Variants in THSD7B observed in about 807,000 individuals in gnomAD.
The protein encoded by THSD7B is thrombospondin type-1 domain-containing protein 7B.
A neutral mutation model predicts 213.6 loss-of-function variants in THSD7B; 138 were observed. The ratio of observed to expected loss-of-function variants is 0.65; its 90% CI spans 0.56 to 0.74. THSD7B has a LOEUF of 0.74. Among genes scored for constraint, THSD7B ranks in the 30% least tolerant of loss-of-function variants. THSD7B has a pLI of 0.00. For missense variants in THSD7B, 1,931 were observed against 1,991.5 expected (o/e 0.97, Z 0.58); for synonymous variants, 742 against 687.0 (o/e 1.08, Z -1.25).
At chr2:136,914,434 G>A (rs184567349) in intron 2 of THSD7B, among the ~76,000 whole-genome samples, 2 of 152,280 alleles carry the variant, frequency 1.3e-5, no homozygotes, top group East Asian at 3.9e-4. Flanking sequence ...TAAAATGTGA[G>A]GACATGAGAT....
chr2:136,937,152 G>A (rs767745096), intron 2 of THSD7B, among the ~76,000 whole-genome samples: 14 of 151,874 alleles, frequency 9.2e-5, no homozygotes, highest in Non-Finnish European at 1.8e-4. Context: ...CCCACAAATC[G>A]ACTTTCGATA....
chr2:137,519,188 G>T (rs1680132123), intron 15 of THSD7B, among the ~76,000 whole-genome samples: 1 of 151,972 alleles, frequency 6.6e-6, no homozygotes, highest in South Asian at 2.1e-4. Context: ...GGAGGTGGAG[G>T]TTGCAGTGAG....
At chr2:137,133,015 T>G (rs1159356843) in intron 5 of THSD7B, among the ~76,000 whole-genome samples, 7 of 152,192 alleles carry the variant, frequency 4.6e-5, no homozygotes, top group African/African-American at 1.7e-4. Flanking sequence ...TTCAAACTCT[T>G]TCATCATAAA....
At chr2:137,592,150 T>G (rs1250310639) in intron 17 of THSD7B, among the ~76,000 whole-genome samples, 1 of 151,822 alleles carries the variant, frequency 6.6e-6, no homozygotes, top group East Asian at 1.9e-4. Context: ...ATATTACTAC[T>G]GATTATGTTT....
chr2:137,587,642 A>AGAACAGCGAATATTGCT (rs1558850630), intron 17 of THSD7B, among the ~76,000 whole-genome samples: 1 of 152,242 alleles, frequency 6.6e-6, no homozygotes, highest in Non-Finnish European at 1.5e-5. Flanking sequence ...CGGAGGCTGC[A>AGAACAGCGAATATTGCT]GAACAGCGAA....
chr2:137,637,715 T>C (rs1042836700), intron 20 of THSD7B, among the ~76,000 whole-genome samples: 3 of 152,242 alleles, frequency 2.0e-5, no homozygotes, highest in Non-Finnish European at 4.4e-5. Context: ...CAGCAGAACA[T>C]ATCTGTCACC....
At chr2:136,793,181 C>T (rs1681998592) in intron 1 of THSD7B, among the ~76,000 whole-genome samples, 1 of 152,008 alleles carries the variant, frequency 6.6e-6, no homozygotes, top group South Asian at 2.1e-4. Context: ...ATAGCAGTAG[C>T]ATTTTGCATT....
Position 137,032,546 on chromosome 2 carries a change from A to G in THSD7B, c.140-23874A>G, listed in dbSNP as rs993576184. Among the ~76,000 whole-genome samples, 5 of 152,178 alleles carry G rather than the reference A, an allele frequency of 3.3e-5. No individual in the cohort carries two copies. The South Asian group carries it at 1.0e-3, about 32-fold the overall frequency. On this transcript the variant is annotated intron_variant, in intron 2 of 27. Coordinates refer to ENST00000409968, the MANE Select transcript of THSD7B (RefSeq NM_001316349.2). ...CTTATTCTCTCCCTCTCTCTCTCAG[A>G]ATAGCCTCTTGACTACCTTAGAATG...
In THSD7B at chr2:136,793,171, A is replaced by G. The variant is rs373724934; in HGVS notation, c.-36+27484A>G. Among the ~76,000 whole-genome samples, 36 of 152,190 alleles carry G rather than the reference A, an allele frequency of 2.4e-4. No individual in the cohort carries two copies. The East Asian group carries it at 6.8e-3, about 29-fold the overall frequency. The stretch of plus-strand genomic sequence containing the variant: ...AGAAACTGCTGAATTCTTTACCAAA[A>G]TAGCAGTAGCATTTTGCATTCTTAC... On this transcript the variant is annotated intron_variant, in intron 1 of 27. Transcript: ENST00000409968.
At chr2:137,338,266 G>A (rs1350911489) in intron 12 of THSD7B, among the ~76,000 whole-genome samples, 1 of 151,984 alleles carries the variant, frequency 6.6e-6, no homozygotes, top group Non-Finnish European at 1.5e-5. Context: ...ATTTTGCATG[G>A]CGAATAGCTT....
intron 2 of THSD7B, among the ~76,000 whole-genome samples, chr2:137,013,951 C>T (rs2104836665): frequency 6.6e-6 from 1 of 152,268 alleles, no homozygotes; most frequent in South Asian, 2.1e-4. Flanking sequence ...GATGTGTTGG[C>T]AGATATAAAA....
intron 1 of THSD7B, among the ~76,000 whole-genome samples, chr2:136,832,487 A>T (rs982867478): frequency 2.6e-5 from 4 of 152,060 alleles, no homozygotes; most frequent in African/African-American, 9.7e-5. Context: ...GTTGATGCCC[A>T]CCCACATTGC....
intron 2 of THSD7B, among the ~76,000 whole-genome samples, chr2:136,919,583 AG>A (rs1684401185): frequency 6.6e-6 from 1 of 152,240 alleles, no homozygotes; most frequent in African/African-American, 2.4e-5. Context: ...ATTGAAGTTC[AG>A]GGGACTTTTC....
At chr2:137,190,151 A>G (rs1680628905) in intron 7 of THSD7B, among the ~76,000 whole-genome samples, 1 of 152,146 alleles carries the variant, frequency 6.6e-6, no homozygotes, top group Non-Finnish European at 1.5e-5. Flanking sequence ...GATGTGACTA[A>G]CTAGAGAATT....
At chr2:136,807,753 G>T (rs527853128) in intron 1 of THSD7B, among the ~76,000 whole-genome samples, 1 of 151,900 alleles carries the variant, frequency 6.6e-6, no homozygotes, top group Non-Finnish European at 1.5e-5. Context: ...TGATCCACCC[G>T]CCTCGGCCTC....
rs142797202 is a variant in THSD7B, at chr2:137,058,986, C to T, written c.950+1756C>T. ...ACTTTGTTATAGCAGCTTGAATTGC[C>T]GAAGACTAACTGTTATAAAAATAAA... On this transcript the variant is annotated intron_variant, in intron 3 of 27. Coordinates refer to ENST00000409968, the MANE Select transcript of THSD7B (RefSeq NM_001316349.2). Among the ~76,000 whole-genome samples the T allele has an allele frequency of 7.3e-4, 111 of 152,088 alleles. 1 individual carries two copies. The highest frequency in any genetic ancestry group is 5.4e-3 in the South Asian group (26 of 4,804).
intron 1 of THSD7B, among the ~76,000 whole-genome samples, chr2:136,786,902 G>A (rs1056584065): frequency 6.6e-6 from 1 of 152,140 alleles, no homozygotes; most frequent in Non-Finnish European, 1.5e-5. Flanking sequence ...GTATGTTGTA[G>A]GGATGGAGAT....
intron 12 of THSD7B, among the ~76,000 whole-genome samples, chr2:137,337,815 G>A (rs1056576064): frequency 6.6e-6 from 1 of 151,994 alleles, no homozygotes; most frequent in African/African-American, 2.4e-5. Flanking sequence ...CTCATGGTCA[G>A]TTATTTTACT....
intron 10 of THSD7B, among the ~76,000 whole-genome samples, chr2:137,258,771 C>T (rs1413894010): frequency 6.6e-6 from 1 of 151,512 alleles, no homozygotes; most frequent in Non-Finnish European, 1.5e-5. Flanking sequence ...CACCCGTCAA[C>T]CCATCATCTA....
Sources: gnomAD v4.1 joint callset for allele counts (sites outside exome capture counted in the v4.1 genomes callset) on GRCh38, gnomAD v4.1.1 for gene constraint, MANE v1.5 for transcripts, NCBI Gene and HGNC (gene_info 2026-07-23, HGNC 2026-07-21) for gene names.